Variants in SNX29 observed in about 807,000 individuals in gnomAD.
SNX29 encodes the protein sorting nexin 29, also known as sorting nexin-29.
Under a neutral mutation model 102.1 loss-of-function variants are expected in SNX29, and 78 were observed. The observed-to-expected ratio is 0.76, with a 90% CI of 0.64 to 0.92. The LOEUF (loss-of-function observed/expected upper bound fraction) is 0.92. Ranked by LOEUF, SNX29 falls within the 40% of genes least tolerant of loss-of-function variation. The probability of loss-of-function intolerance (pLI) is 0.00; values close to 1 mark genes in which losing one functional copy is unlikely to be tolerated. For missense variants in SNX29, 1,280 were observed against 1,061.7 expected (o/e 1.21, Z -2.86); for synonymous variants, 580 against 414.5 (o/e 1.40, Z -4.85).
chr16:12,342,803 C>G (rs2081649376), intron 15 of SNX29, among the ~76,000 whole-genome samples: 1 of 152,202 alleles, frequency 6.6e-6, no homozygotes, highest in Non-Finnish European at 1.5e-5. Flanking sequence ...GTTCATCCCC[C>G]AGACCAGTAC....
chr16:12,571,613 C>G lies in SNX29; in HGVS notation c.*2984C>G, dbSNP rs1041097709. ...GCTGAAACAGAACAGCAGGTTCCATCTTTCACATCTTTTTTTCTCCCCCAG... is the reference window on the plus strand; with the variant it reads ...GCTGAAACAGAACAGCAGGTTCCATGTTTCACATCTTTTTTTCTCCCCCAG... On this transcript the variant is annotated 3_prime_UTR_variant, in exon 21 of 21. Transcript: ENST00000566228. 2 of 1,060,112 alleles carry G rather than the reference C, an allele frequency of 1.9e-6. No homozygotes were observed. Among genetic ancestry groups the G allele is most frequent in the Non-Finnish European group, 2.3e-6 (2 of 876,058 alleles). The allele number at this position is 1,060,112 out of a possible 1,614,324, so 65.7% of individuals were successfully genotyped here.
intron 16 of SNX29, among the ~76,000 whole-genome samples, chr16:12,386,331 A>T (rs1281592877): frequency 6.6e-6 from 1 of 152,190 alleles, no homozygotes; most frequent in Non-Finnish European, 1.5e-5. Context: ...CTTTATGCAA[A>T]TTATCTCATT....
chr16:12,565,639 C>T (rs553826165), intron 20 of SNX29, among the ~76,000 whole-genome samples: 3 of 152,350 alleles, frequency 2.0e-5, no homozygotes, highest in Non-Finnish European at 4.4e-5. Context: ...ACATGTGACA[C>T]ATATAGCCTC....
chr16:12,048,318 C>G (rs3826098), intron 6 of SNX29, 54 bp from the exon 7 acceptor site: 682,012 of 1,611,334 alleles, frequency 0.42, 151,217 homozygotes, highest in Non-Finnish European at 0.46. Flanking sequence ...TCTCTTGTTG[C>G]TGGTATGACT....
intron 15 of SNX29, among the ~76,000 whole-genome samples, chr16:12,346,879 G>C (rs930526441): frequency 1.2e-4 from 19 of 152,180 alleles, no homozygotes; most frequent in South Asian, 2.1e-4. Context: ...TCCCTGGCTT[G>C]CCTGTGTATA....
chr16:12,517,398 C>T (rs1373464130), intron 19 of SNX29, among the ~76,000 whole-genome samples: 1 of 152,212 alleles, frequency 6.6e-6, no homozygotes, highest in Non-Finnish European at 1.5e-5. Context: ...AGGCCTAGTT[C>T]CCTGTCTTCA....
At chr16:12,401,382 T>TTC (rs1491243315) in intron 17 of SNX29, among the ~76,000 whole-genome samples, 3 of 147,064 alleles carry the variant, frequency 2.0e-5, no homozygotes, top group Non-Finnish European at 3.0e-5. Flanking sequence ...TTTTTTTTTT[T>TTC]GAGATGGAGT....
chr16:12,517,887 A>C (rs1057118094), intron 19 of SNX29, among the ~76,000 whole-genome samples: 1 of 152,160 alleles, frequency 6.6e-6, no homozygotes, highest in Non-Finnish European at 1.5e-5. Flanking sequence ...CAAAATGGCA[A>C]GGCCTTCTGG....
chr16:12,290,468 C>A (rs527998350), intron 15 of SNX29, among the ~76,000 whole-genome samples: 1 of 152,204 alleles, frequency 6.6e-6, no homozygotes, highest in East Asian at 1.9e-4. Flanking sequence ...GTGTCCTGCA[C>A]GTCCTTTGTG....
At position 12,538,274 on chromosome 16, in the gene SNX29, C is replaced by T. The variant is rs1021553365; in HGVS notation, c.2318+13433C>T. 8.5e-5 allele frequency among the ~76,000 whole-genome samples: 13 copies of T among 152,264 alleles called. No individual in the cohort carries two copies. The South Asian group carries it at 2.7e-3, about 32-fold the overall frequency. ...GGGATTACAGGGATCTGCCACCACA[C>T]CTGGCTAATTTTGTATTTTTGTTTT... On this transcript the variant is annotated intron_variant, in intron 20 of 20. Coordinates refer to ENST00000566228, the MANE Select transcript of SNX29 (RefSeq NM_032167.5).
chr16:12,395,712 G>C (rs912714474), intron 16 of SNX29, among the ~76,000 whole-genome samples: 6 of 152,188 alleles, frequency 3.9e-5, no homozygotes, highest in African/African-American at 1.4e-4. Flanking sequence ...CCAGACTTCA[G>C]ACAAACAGGG....
At chr16:12,070,774 A>C (rs1269048334) in intron 10 of SNX29, among the ~76,000 whole-genome samples, 3 of 152,168 alleles carry the variant, frequency 2.0e-5, no homozygotes, top group Non-Finnish European at 2.9e-5. Flanking sequence ...CAATGGTTGA[A>C]TTAGTTTACA....
chr16:12,380,402 T>TCCAC (rs1174680272), intron 16 of SNX29, among the ~76,000 whole-genome samples: 1 of 43,252 alleles, frequency 2.3e-5, no homozygotes, highest in Non-Finnish European at 5.1e-5. Flanking sequence ...CCCTCATCCA[T>TCCAC]CCACCCACCC....
rs143471407 is a variant in SNX29, at chr16:12,535,509, T to C, written c.2318+10668T>C. Among the ~76,000 whole-genome samples, 396 of 152,290 alleles carry C rather than the reference T, an allele frequency of 2.6e-3. 1 individual carries two copies. Among genetic ancestry groups the C allele is most frequent in the African/African-American group, 8.8e-3 (365 of 41,554 alleles). On this transcript the variant is annotated intron_variant, in intron 20 of 20. Transcript: ENST00000566228. ...TTTTTCCAGATGAGGAAACTGAGTC[T>C]CACAGAGTGAAGTGGCCAAGCCATA...
chr16:12,066,083 A>G (rs1297849648), intron 9 of SNX29, among the ~76,000 whole-genome samples: 2 of 152,102 alleles, frequency 1.3e-5, no homozygotes, highest in African/African-American at 4.8e-5. Flanking sequence ...CCGTGTGGAC[A>G]TTGTATCCTC....
In SNX29 at chr16:12,129,496, A is replaced by G. The variant is rs147400447; in HGVS notation, c.1467-134A>G. The G allele has an allele frequency of 1.3e-3, 1,523 of 1,177,996 alleles. 3 individuals are homozygous for G. Among genetic ancestry groups the G allele is most frequent in the Middle Eastern group, 1.5e-3 (5 of 3,234 alleles). The allele number at this position is 1,177,996 out of a possible 1,614,324, so 73.0% of individuals were successfully genotyped here. A position where few individuals can be genotyped will look rare whatever the true frequency, so the allele number is the denominator to read the frequency against. ...GCTATCTCCAGTTCACATGAGATAG[A>G]CTTGAATTATGGTTTATGCAGAGCC... is the stretch of plus-strand genomic sequence containing the variant. On this transcript the variant is annotated intron_variant, in intron 12 of 20. Coordinates refer to ENST00000566228, the MANE Select transcript of SNX29 (RefSeq NM_032167.5).
intron 4 of SNX29, among the ~76,000 whole-genome samples, chr16:12,035,303 C>G (rs2057444338): frequency 6.6e-6 from 1 of 151,374 alleles, no homozygotes; most frequent in Non-Finnish European, 1.5e-5. Flanking sequence ...CCTTGAACTT[C>G]CTGGCTCAAG....
chr16:12,051,235 C>T (rs2050286127), intron 7 of SNX29, among the ~76,000 whole-genome samples: 1 of 151,320 alleles, frequency 6.6e-6, no homozygotes, highest in Non-Finnish European at 1.5e-5. Context: ...AGGCTGAGGG[C>T]AGAGGATTGT....
intron 14 of SNX29, among the ~76,000 whole-genome samples, chr16:12,263,141 T>TC (rs1302395768): frequency 6.6e-6 from 1 of 151,706 alleles, no homozygotes; most frequent in East Asian, 1.9e-4. Flanking sequence ...CCTTTTTTTT[T>TC]TTTTTTTTGA....
Sources: gnomAD v4.1 joint callset for allele counts (sites outside exome capture counted in the v4.1 genomes callset) on GRCh38, gnomAD v4.1.1 for gene constraint, MANE v1.5 for transcripts, NCBI Gene and HGNC (gene_info 2026-07-23, HGNC 2026-07-21) for gene names.